The following ARHGAP10 variants were observed in gnomAD, a reference collection of about 807,000 sequenced individuals.
The protein encoded by ARHGAP10 is Rho GTPase activating protein 10, also known as rho GTPase-activating protein 10.
ARHGAP10 carries 87 observed loss-of-function variants against 108.6 expected under a neutral mutation model. That is an observed-to-expected ratio of 0.80 (90% CI 0.67 to 0.96). ARHGAP10 has a LOEUF of 0.96. Among genes scored for constraint, ARHGAP10 ranks in the 40% least tolerant of loss-of-function variants. ARHGAP10 has a pLI of 0.00. For synonymous variants in ARHGAP10, 347 were observed against 341.1 expected (o/e 1.02, Z -0.19); for missense variants, 939 against 954.5 (o/e 0.98, Z 0.21).
intron 13 of ARHGAP10, among the ~76,000 whole-genome samples, chr4:147,922,052 C>T (rs1240477726): frequency 2.0e-5 from 3 of 152,146 alleles, no homozygotes; most frequent in Non-Finnish European, 4.4e-5. Flanking sequence ...CGACATCTCT[C>T]ACTCTTGAGC....
chr4:147,933,180 T>C (rs1369192505), intron 13 of ARHGAP10, among the ~76,000 whole-genome samples: 2 of 152,230 alleles, frequency 1.3e-5, no homozygotes, highest in Non-Finnish European at 2.9e-5. Context: ...TTATATTGCC[T>C]GTTAGGTGAG....
chr4:147,988,512 T>A (rs116372707), intron 18 of ARHGAP10, among the ~76,000 whole-genome samples: 2,543 of 152,294 alleles, frequency 0.017, 50 homozygotes, highest in South Asian at 0.079. Flanking sequence ...GAAGCTTTAG[T>A]ACATTAAGAC....
chr4:147,989,405 C>T (rs201684124), intron 18 of ARHGAP10, among the ~76,000 whole-genome samples: 5,259 of 152,148 alleles, frequency 0.035, 76 homozygotes, highest in South Asian at 0.1. Flanking sequence ...ATTTATTAGG[C>T]GGGAATTTCC....
intron 1 of ARHGAP10, among the ~76,000 whole-genome samples, chr4:147,785,083 T>A (rs1255320378): frequency 7.6e-5 from 9 of 118,780 alleles, no homozygotes; most frequent in South Asian, 2.6e-4. Flanking sequence ...GACTATTTTC[T>A]AAAAAAAAAA....
intron 20 of ARHGAP10, among the ~76,000 whole-genome samples, chr4:148,052,504 C>G (rs1729190913): frequency 6.7e-6 from 1 of 149,180 alleles, no homozygotes; most frequent in South Asian, 2.1e-4. Flanking sequence ...GATAAGTAAC[C>G]TAAAGGAATG....
intron 13 of ARHGAP10, among the ~76,000 whole-genome samples, chr4:147,938,594 C>T (rs2126959993): frequency 6.6e-6 from 1 of 152,252 alleles, no homozygotes; most frequent in East Asian, 1.9e-4. Context: ...TCCTCTCTTC[C>T]TCATGAGTGA....
intron 22 of ARHGAP10, among the ~76,000 whole-genome samples, chr4:148,066,567 CATAGTCACACATTT>C (rs1200388805): frequency 1.3e-5 from 2 of 152,240 alleles, no homozygotes; most frequent in Non-Finnish European, 2.9e-5. Flanking sequence ...CGTACACATA[CATAGTCACACATTT>C]GTACATATGT....
chr4:147,955,430 A>G (rs1738753435), intron 16 of ARHGAP10, 56 bp downstream of exon 16: 5 of 1,467,220 alleles, frequency 3.4e-6, no homozygotes, highest in Non-Finnish European at 4.7e-6. Flanking sequence ...GTGAGCATAA[A>G]CGAAAAATTT....
chr4:147,859,454 A>T (rs1734226862), intron 5 of ARHGAP10, among the ~76,000 whole-genome samples: 1 of 151,904 alleles, frequency 6.6e-6, no homozygotes, highest in Admixed American at 6.6e-5. Context: ...TTGTATTTTT[A>T]GTAGAGACAA....
intron 12 of ARHGAP10, 127 bp downstream of exon 12, chr4:147,909,904 A>T: frequency 1.1e-6 from 1 of 881,328 alleles, no homozygotes; most frequent in South Asian, 1.7e-5. Context: ...GGGGTATTAC[A>T]CGTAATAATC....
chr4:147,952,702 G>A (rs1302783564), intron 15 of ARHGAP10, among the ~76,000 whole-genome samples: 1 of 151,998 alleles, frequency 6.6e-6, no homozygotes, highest in African/African-American at 2.4e-5. Flanking sequence ...TTCATTCTGT[G>A]ACTTGTCTTT....
intron 19 of ARHGAP10, among the ~76,000 whole-genome samples, chr4:148,028,563 G>C (rs1727986328): frequency 6.6e-6 from 1 of 152,196 alleles, no homozygotes; most frequent in African/African-American, 2.4e-5. Context: ...TGCTGCTGTA[G>C]GGTAGTATTC....
intron 18 of ARHGAP10, among the ~76,000 whole-genome samples, chr4:148,019,262 G>A (rs931744354): frequency 2.0e-5 from 3 of 152,190 alleles, no homozygotes; most frequent in African/African-American, 7.2e-5. Context: ...GAGTCATGAG[G>A]TCTGAATTCA....
At chr4:148,016,854 C>T (rs181126149) in intron 18 of ARHGAP10, among the ~76,000 whole-genome samples, 2 of 152,116 alleles carry the variant, frequency 1.3e-5, no homozygotes, top group Non-Finnish European at 2.9e-5. Flanking sequence ...GAGTGGCTCA[C>T]AGAGCTCAAA....
chr4:148,043,538 A>G (rs1728723138), intron 19 of ARHGAP10, among the ~76,000 whole-genome samples: 1 of 146,560 alleles, frequency 6.8e-6, no homozygotes, highest in South Asian at 2.2e-4. Flanking sequence ...GAACACTTTG[A>G]GAAGTCAAGA....
At chr4:147,837,643 G>GTTTTTTTTTTTTTTGTTTTTT (rs1733224087) in intron 3 of ARHGAP10, among the ~76,000 whole-genome samples, 1 of 70,220 alleles carries the variant, frequency 1.4e-5, no homozygotes, top group Non-Finnish European at 3.0e-5. Flanking sequence ...TCTGGTCACT[G>GTTTTTTTTTTTTTTGTTTTTT]TTTTTTTTTT....
intron 20 of ARHGAP10, among the ~76,000 whole-genome samples, chr4:148,060,933 G>A (rs547372372): frequency 6.6e-6 from 1 of 152,254 alleles, no homozygotes; most frequent in Non-Finnish European, 1.5e-5. Flanking sequence ...CTGATTCTGT[G>A]TTCCTGTTTT....
intron 4 of ARHGAP10, among the ~76,000 whole-genome samples, chr4:147,853,987 T>G (rs1302120371): frequency 6.6e-6 from 1 of 152,216 alleles, no homozygotes; most frequent in Non-Finnish European, 1.5e-5. Flanking sequence ...TGATGTGTAA[T>G]GACAAATTTA....
At position 147,931,900 on chromosome 4, in the gene ARHGAP10, C is replaced by T. The variant is rs566495119; in HGVS notation, c.1229-7925C>T. On this transcript the variant is annotated intron_variant, in intron 13 of 22. Coordinates refer to ENST00000336498, the MANE Select transcript of ARHGAP10 (RefSeq NM_024605.4). Reference sequence around the variant, plus strand: ...CAGAGCAAACAGACATCCTACAGAACGGGAGAAAATTTTTGCAATCTATCC... The same window carrying T: ...CAGAGCAAACAGACATCCTACAGAATGGGAGAAAATTTTTGCAATCTATCC... 2.6e-5 allele frequency among the ~76,000 whole-genome samples: 4 copies of T among 152,006 alleles called. No individual in the cohort carries two copies. The East Asian group carries it at 5.8e-4, about 22-fold the overall frequency.
Sources: allele counts gnomAD v4.1 joint callset (sites outside exome capture counted in the v4.1 genomes callset), GRCh38; gene constraint gnomAD v4.1.1; transcripts MANE v1.5; gene names NCBI Gene and HGNC (gene_info 2026-07-23, HGNC 2026-07-21).